UMAD1: variants seen among roughly 807,000 people sequenced by gnomAD.
UMAD1 encodes the protein UBAP1-MVB12-associated (UMA)-domain containing protein 1.
A neutral mutation model predicts 6.1 loss-of-function variants in UMAD1; 8 were observed. That is an observed-to-expected ratio of 1.30 (90% CI 0.76 to 2.35). The LOEUF is 2.35. UMAD1 is among the 30% of genes most tolerant of loss of function. The pLI, the probability that UMAD1 is intolerant of heterozygous loss-of-function variation, is 0.00. For missense variants in UMAD1, 130 were observed against 78.4 expected, an observed-to-expected ratio of 1.66 and a Z score of -2.49; for synonymous variants, 56 against 31.4, an observed-to-expected ratio of 1.78 and a Z score of -2.61.
chr7:7,743,061 G>C (rs1474126295), intron 2 of UMAD1, among the ~76,000 whole-genome samples: 1 of 152,074 alleles, frequency 6.6e-6, no homozygotes, highest in Non-Finnish European at 1.5e-5. Flanking sequence ...TGAAGAAGGT[G>C]GTGTGTATTT....
At chr7:7,760,118 G>T (rs1183463759) in intron 2 of UMAD1, among the ~76,000 whole-genome samples, 1 of 152,070 alleles carries the variant, frequency 6.6e-6, no homozygotes, top group Non-Finnish European at 1.5e-5. Context: ...CATTTAAGAA[G>T]TCCAACCAGC....
chr7:7,851,095 C>T (rs943789813), intron 3 of UMAD1, among the ~76,000 whole-genome samples: 1 of 152,230 alleles, frequency 6.6e-6, no homozygotes, highest in South Asian at 2.1e-4. Context: ...CACAACTAAT[C>T]TATTCTGTCT....
At chr7:7,855,365 C>G (rs1783996428) in intron 3 of UMAD1, among the ~76,000 whole-genome samples, 1 of 152,246 alleles carries the variant, frequency 6.6e-6, no homozygotes, top group African/African-American at 2.4e-5. Flanking sequence ...GTCTGGACAT[C>G]CAGGAGTTTC....
intron 2 of UMAD1, among the ~76,000 whole-genome samples, chr7:7,746,334 T>G (rs1781574390): frequency 6.6e-6 from 1 of 152,202 alleles, no homozygotes; most frequent in Non-Finnish European, 1.5e-5. Context: ...CAGAAAATGA[T>G]ATAGTTAATT....
At chr7:7,683,177 T>G (rs988931192) in intron 2 of UMAD1, among the ~76,000 whole-genome samples, 6 of 152,208 alleles carry the variant, frequency 3.9e-5, no homozygotes, top group Non-Finnish European at 7.3e-5. Flanking sequence ...TTTCGGGGAC[T>G]CAGTGGATTT....
intron 2 of UMAD1, among the ~76,000 whole-genome samples, chr7:7,739,975 G>C (rs1781430650): frequency 6.6e-6 from 1 of 152,228 alleles, no homozygotes; most frequent in Non-Finnish European, 1.5e-5. Flanking sequence ...AAATAGGAAG[G>C]CAGCTTAAAT....
intron 2 of UMAD1, among the ~76,000 whole-genome samples, chr7:7,793,485 C>G (rs1035776736): frequency 2.0e-5 from 3 of 152,196 alleles, no homozygotes; most frequent in Admixed American, 6.5e-5. Flanking sequence ...TAAAAGCGAG[C>G]TCATTAACCC....
chr7:7,866,347 G>T (rs968922981), intron 3 of UMAD1, among the ~76,000 whole-genome samples: 8 of 152,160 alleles, frequency 5.3e-5, no homozygotes, highest in African/African-American at 1.9e-4. Context: ...AATTCTAGTC[G>T]AGTGTGATGT....
intron 2 of UMAD1, among the ~76,000 whole-genome samples, chr7:7,747,618 G>A (rs1015265607): frequency 6.6e-6 from 1 of 152,168 alleles, no homozygotes; most frequent in Non-Finnish European, 1.5e-5. Context: ...TGAAACTGCC[G>A]AGAAGGCTGC....
At chr7:7,641,519 C>A (rs1053786858) in intron 1 of UMAD1, 1 of 152,202 alleles carries the variant, frequency 6.6e-6, no homozygotes, top group African/African-American at 2.4e-5. Flanking sequence ...ACCCCCTCAG[C>A]AGTCTTTCTG....
At chr7:7,851,669 G>A (rs1420921325) in intron 3 of UMAD1, among the ~76,000 whole-genome samples, 1 of 151,882 alleles carries the variant, frequency 6.6e-6, no homozygotes, top group Non-Finnish European at 1.5e-5. Context: ...ATGCTTATTG[G>A]GCTTTTGTAT....
At chr7:7,828,096 C>T (rs73674643) in intron 3 of UMAD1, among the ~76,000 whole-genome samples, 179 of 152,274 alleles carry the variant, frequency 1.2e-3, no homozygotes, top group African/African-American at 4.2e-3. Context: ...CCACTACCAT[C>T]TTGTTTGTGA....
At chr7:7,801,286 A>G (rs1782793844) in intron 2 of UMAD1, among the ~76,000 whole-genome samples, 1 of 152,274 alleles carries the variant, frequency 6.6e-6, no homozygotes, top group Non-Finnish European at 1.5e-5. Context: ...AAGCCTTATG[A>G]AAAACTAACT....
intron 2 of UMAD1, among the ~76,000 whole-genome samples, chr7:7,716,804 G>A (rs1288622272): frequency 6.6e-6 from 1 of 152,146 alleles, no homozygotes; most frequent in Non-Finnish European, 1.5e-5. Flanking sequence ...AAATTAGGCG[G>A]GCATGGTGGC....
chr7:7,667,927 A>G (rs1018262305), intron 1 of UMAD1, among the ~76,000 whole-genome samples: 3 of 151,944 alleles, frequency 2.0e-5, no homozygotes, highest in Non-Finnish European at 4.4e-5. Context: ...TTTTCACTTC[A>G]GTTCTTTTTT....
At chr7:7,815,297 T>C (rs971785598) in intron 3 of UMAD1, among the ~76,000 whole-genome samples, 4 of 152,206 alleles carry the variant, frequency 2.6e-5, no homozygotes, top group Non-Finnish European at 5.9e-5. Flanking sequence ...TTTATTTGTA[T>C]GTCTATATAC....
At chr7:7,769,886 A>C (rs1345706962) in intron 2 of UMAD1, among the ~76,000 whole-genome samples, 1 of 152,102 alleles carries the variant, frequency 6.6e-6, no homozygotes, top group African/African-American at 2.4e-5. Flanking sequence ...CAGCACCATG[A>C]TCACACTCTT....
At chr7:7,650,862 C>A (rs1016968236) in intron 1 of UMAD1, among the ~76,000 whole-genome samples, 1 of 152,192 alleles carries the variant, frequency 6.6e-6, no homozygotes, top group Admixed American at 6.5e-5. Context: ...CTGGCCATGG[C>A]TTACCTTTAC....
Position 7,873,502 on chromosome 7 carries a change from T to C in UMAD1, c.157-3779T>C, listed in dbSNP as rs539782092. On this transcript the variant is annotated intron_variant, in intron 3 of 3. Coordinates refer to ENST00000682710, the MANE Select transcript of UMAD1 (RefSeq NM_001302348.2). ...ATTTCAGGAGACAGGATCTGCCCAC[T>C]GCAGATGTACATCTTTATAACAAGC... Among the ~76,000 whole-genome samples the C allele has an allele frequency of 1.8e-4, 27 of 152,364 alleles. No homozygotes were observed. The South Asian group carries it at 5.4e-3, about 30-fold the overall frequency.
Sources: gnomAD v4.1 joint callset for allele counts (sites outside exome capture counted in the v4.1 genomes callset) on GRCh38, gnomAD v4.1.1 for gene constraint, MANE v1.5 for transcripts, NCBI Gene and HGNC (gene_info 2026-07-23, HGNC 2026-07-21) for gene names.